The following GRID2 variants were observed in gnomAD, a reference collection of about 807,000 sequenced individuals.
GRID2 encodes the protein glutamate ionotropic receptor delta type subunit 2.
A neutral mutation model predicts 114.8 loss-of-function variants in GRID2; 33 were observed. The ratio of observed to expected loss-of-function variants is 0.29; its 90% CI spans 0.22 to 0.38. The LOEUF is 0.38. Among genes scored for constraint, GRID2 ranks in the 10% least tolerant of loss-of-function variants. The pLI is 1.00. For synonymous variants in GRID2, 505 were observed against 449.9 expected, an observed-to-expected ratio of 1.12 and a Z score of -1.55; for missense variants, 1,184 against 1,257.7, an observed-to-expected ratio of 0.94 and a Z score of 0.89.
chr4:92,672,088 T>G (rs1733102429), intron 2 of GRID2, among the ~76,000 whole-genome samples: 1 of 152,162 alleles, frequency 6.6e-6, no homozygotes, highest in Non-Finnish European at 1.5e-5. Flanking sequence ...TGAATTCAGT[T>G]TTTTATTGAT....
At chr4:93,228,207 A>C (rs1463961813) in intron 7 of GRID2, among the ~76,000 whole-genome samples, 1 of 152,122 alleles carries the variant, frequency 6.6e-6, no homozygotes, top group African/African-American at 2.4e-5. Flanking sequence ...TTTATTTGGC[A>C]CACAGTTCTG....
At chr4:93,754,296 T>C (rs1445014097) in intron 14 of GRID2, among the ~76,000 whole-genome samples, 1 of 152,156 alleles carries the variant, frequency 6.6e-6, no homozygotes, top group Non-Finnish European at 1.5e-5. Context: ...ACAGTACAAG[T>C]CCTCTTTTTT....
At chr4:93,267,729 C>T (rs59506089) in intron 8 of GRID2, among the ~76,000 whole-genome samples, 136 of 152,344 alleles carry the variant, frequency 8.9e-4, no homozygotes, top group African/African-American at 3.1e-3. Flanking sequence ...GCCCATCCCA[C>T]AGTCACCTCT....
chr4:92,742,908 G>A (rs1289239458), intron 2 of GRID2, among the ~76,000 whole-genome samples: 1 of 152,132 alleles, frequency 6.6e-6, no homozygotes, highest in Non-Finnish European at 1.5e-5. Flanking sequence ...GTGAGATCTT[G>A]TTTTATCTTT....
chr4:92,707,403 A>G (rs1425975867), intron 2 of GRID2, among the ~76,000 whole-genome samples: 1 of 152,170 alleles, frequency 6.6e-6, no homozygotes, highest in African/African-American at 2.4e-5. Flanking sequence ...AAGTTGGCAT[A>G]ATAGATTCTC....
intron 13 of GRID2, among the ~76,000 whole-genome samples, chr4:93,580,882 T>C (rs1736914368): frequency 6.6e-6 from 1 of 150,482 alleles, no homozygotes; most frequent in Non-Finnish European, 1.5e-5. Flanking sequence ...TGTCATTATA[T>C]ATATATATAC....
intron 4 of GRID2, among the ~76,000 whole-genome samples, chr4:93,196,532 G>T (rs1741510102): frequency 6.6e-6 from 1 of 152,174 alleles, no homozygotes; most frequent in East Asian, 1.9e-4. Flanking sequence ...TACTGGAAAA[G>T]TCCAAGGATA....
At chr4:93,756,933 G>A (rs1469899213) in intron 14 of GRID2, among the ~76,000 whole-genome samples, 1 of 152,114 alleles carries the variant, frequency 6.6e-6, no homozygotes, top group African/African-American at 2.4e-5. Flanking sequence ...TGCATCAGAA[G>A]AAAAACATGC....
At chr4:92,598,155 T>A (rs563253791) in intron 2 of GRID2, among the ~76,000 whole-genome samples, 1 of 152,224 alleles carries the variant, frequency 6.6e-6, no homozygotes, top group South Asian at 2.1e-4. Context: ...AGCTCTCTTT[T>A]AAAAGGAACA....
At chr4:93,694,173 G>C (rs1036517637) in intron 14 of GRID2, among the ~76,000 whole-genome samples, 1 of 152,034 alleles carries the variant, frequency 6.6e-6, no homozygotes, top group Non-Finnish European at 1.5e-5. Context: ...TTCATATTCA[G>C]CCCATTGTCC....
At chr4:93,674,838 G>A (rs944398234) in intron 14 of GRID2, among the ~76,000 whole-genome samples, 5 of 151,984 alleles carry the variant, frequency 3.3e-5, no homozygotes, top group Admixed American at 3.3e-4. Flanking sequence ...TGTACATTAA[G>A]TATATCTGCT....
chr4:92,546,625 T>C (rs1017359290), intron 1 of GRID2, among the ~76,000 whole-genome samples: 1 of 152,216 alleles, frequency 6.6e-6, no homozygotes, highest in Non-Finnish European at 1.5e-5. Context: ...AAACGTAATA[T>C]AGGAATTCAA....
rs539604728 is a variant in GRID2, at chr4:93,257,541, A to G, written c.1245+19051A>G. ...TTGAGATTGTTTCTATAGATAGAAG[A>G]CATTTAAGCCTACAAGTAATAAACT... On this transcript the variant is annotated intron_variant, in intron 8 of 15. Transcript: ENST00000282020. Among the ~76,000 whole-genome samples, 4 of 151,898 alleles carry G rather than the reference A, an allele frequency of 2.6e-5. No individual in the cohort carries two copies. The South Asian group carries it at 8.3e-4, about 31-fold the overall frequency.
chr4:93,048,030 A>C (rs1726329018), intron 2 of GRID2, among the ~76,000 whole-genome samples: 1 of 152,216 alleles, frequency 6.6e-6, no homozygotes, highest in South Asian at 2.1e-4. Flanking sequence ...AAAATCACAA[A>C]GTATATTGAT....
At chr4:92,336,182 G>C (rs193268077) in intron 1 of GRID2, among the ~76,000 whole-genome samples, 82 of 152,202 alleles carry the variant, frequency 5.4e-4, no homozygotes, top group African/African-American at 1.9e-3. Flanking sequence ...GTAATTCTTA[G>C]ATGTCATAAG....
chr4:93,120,230 C>T (rs1198683160), intron 4 of GRID2, among the ~76,000 whole-genome samples: 1 of 152,136 alleles, frequency 6.6e-6, no homozygotes, highest in African/African-American at 2.4e-5. Context: ...TTTGACCCAG[C>T]AATCCCATTA....
At chr4:92,986,465 G>T (rs1754513839) in intron 2 of GRID2, among the ~76,000 whole-genome samples, 1 of 152,116 alleles carries the variant, frequency 6.6e-6, no homozygotes, top group Non-Finnish European at 1.5e-5. Context: ...TTAAATGTTG[G>T]TCATGGTAGG....
chr4:93,720,931 C>T (rs1467023625), intron 14 of GRID2, among the ~76,000 whole-genome samples: 1 of 152,148 alleles, frequency 6.6e-6, no homozygotes, highest in East Asian at 1.9e-4. Context: ...GTTTTCTCCT[C>T]CCAGTGAACA....
chr4:92,648,788 T>A (rs1477928581), intron 2 of GRID2, among the ~76,000 whole-genome samples: 1 of 148,632 alleles, frequency 6.7e-6, no homozygotes, highest in East Asian at 2.0e-4. Flanking sequence ...TGCACTTGAT[T>A]CATTTACTAT....
Sources: gnomAD v4.1 joint callset for allele counts (sites outside exome capture counted in the v4.1 genomes callset) on GRCh38, gnomAD v4.1.1 for gene constraint, MANE v1.5 for transcripts, NCBI Gene and HGNC (gene_info 2026-07-23, HGNC 2026-07-21) for gene names.